The following AHR variants were observed in gnomAD, a reference collection of about 807,000 sequenced individuals.
The protein encoded by AHR is AH-receptor.
In AHR, 40 loss-of-function variants were observed where a neutral mutation model predicts 86.8. The observed-to-expected ratio is 0.46, with a 90% CI of 0.36 to 0.60. The LOEUF (loss-of-function observed/expected upper bound fraction) is 0.60, where lower values mean the gene tolerates loss of function less well. Ranked by LOEUF, AHR falls within the 20% of genes least tolerant of loss-of-function variation. The pLI is 0.00. For missense variants in AHR, 1,001 were observed against 1,011.6 expected, an observed-to-expected ratio of 0.99 and a Z score of 0.14; for synonymous variants, 398 against 354.9, an observed-to-expected ratio of 1.12 and a Z score of -1.37.
At chr7:17,312,443 G>A (rs1306243192) in intron 2 of AHR, among the ~76,000 whole-genome samples, 1 of 152,144 alleles carries the variant, frequency 6.6e-6, no homozygotes, top group Non-Finnish European at 1.5e-5. Flanking sequence ...ATAAATGTGT[G>A]TGAAACACAC....
At chr7:17,338,759 A>G (rs1782383407) in intron 9 of AHR, among the ~76,000 whole-genome samples, 1 of 152,090 alleles carries the variant, frequency 6.6e-6, no homozygotes. Context: ...TAACCTGACC[A>G]TGGAATTAAC....
At chr7:17,342,817 A>C in intron 10 of AHR, 104 bp from the exon 11 acceptor site, 1 of 1,136,742 alleles carries the variant, frequency 8.8e-7, no homozygotes, top group Non-Finnish European at 1.3e-6. Flanking sequence ...GAAGTTTACA[A>C]CTCTCAGGGG....
At chr7:17,321,123 G>C (rs1045189692) in intron 2 of AHR, among the ~76,000 whole-genome samples, 1 of 152,080 alleles carries the variant, frequency 6.6e-6, no homozygotes, top group African/African-American at 2.4e-5. Flanking sequence ...TAAGAGGACT[G>C]CCAGAGTCAG....
In AHR at chr7:17,299,220, G is replaced by A; in HGVS notation, c.-45G>A. The A allele has an allele frequency of 1.9e-6, 3 of 1,598,472 alleles. No individual in the cohort carries two copies. Among genetic ancestry groups the A allele is most frequent in the East Asian group, 2.3e-5 (1 of 43,494 alleles). On this transcript the variant is annotated 5_prime_UTR_variant, in exon 1 of 11. Coordinates refer to ENST00000242057, the MANE Select transcript of AHR (RefSeq NM_001621.5). ...AGCCTACACCGGGTTCCGGGGACCC[G>A]GCCGCCAGTGCCCGGGGAGTAGCCG...
chr7:17,303,831 A>G (rs1466100656), intron 1 of AHR, among the ~76,000 whole-genome samples: 1 of 152,154 alleles, frequency 6.6e-6, no homozygotes, highest in Non-Finnish European at 1.5e-5. Flanking sequence ...TCCAAGAGAT[A>G]GTATCAAATT....
At chr7:17,317,896 G>C (rs1329508472) in intron 2 of AHR, among the ~76,000 whole-genome samples, 2 of 151,842 alleles carry the variant, frequency 1.3e-5, no homozygotes, top group African/African-American at 2.4e-5. Flanking sequence ...AACTGCTCTT[G>C]TTCCATTAAT....
rs1472378146 is a variant in AHR at position 17,333,915 on chromosome 7, A to G, written c.709A>G (p.Met237Val). The G allele has an allele frequency of 1.9e-6, 3 of 1,612,170 alleles. No individual in the cohort carries two copies. Among genetic ancestry groups the G allele is most frequent in the African/African-American group, 2.7e-5 (2 of 74,872 alleles). The change falls in exon 7 of 11, where the codon ATG (methionine) becomes GTG (valine). Residue 237 changes from methionine (M) to valine (V), a missense_variant. Around this residue, in one of 2 missense-constraint regions of AHR, gnomAD observed 394 missense variants for 468.5 expected, o/e 0.84. Coordinates refer to ENST00000242057, the MANE Select transcript of AHR (RefSeq NM_001621.5). Reference protein sequence around the residue: ...LLDNSSGFLAMNFQGKLKYLH... With the variant: ...LLDNSSGFLAVNFQGKLKYLH... Reference sequence around the variant, plus strand: ...TTGTTGTTGTTGCTTTTTTAAGGCAATGAATTTCCAAGGGAAGTTAAAGTA... The same window carrying G: ...TTGTTGTTGTTGCTTTTTTAAGGCAGTGAATTTCCAAGGGAAGTTAAAGTA...
At chr7:17,315,401 A>C (rs1478545174) in intron 2 of AHR, among the ~76,000 whole-genome samples, 1 of 152,088 alleles carries the variant, frequency 6.6e-6, no homozygotes, top group Non-Finnish European at 1.5e-5. Context: ...AGATTCAAAC[A>C]ATCTAAACTC....
chr7:17,298,995 C>T lies in AHR; in HGVS notation c.-270C>T, dbSNP rs888729842. ...CCTCCGCCGGTGTAGACGGCACCTG[C>T]GCCGCCTTGCTCGCGGGTCTCCGCC... On this transcript the variant is annotated 5_prime_UTR_variant, in exon 1 of 11. Transcript: ENST00000242057. The T allele has an allele frequency of 8.6e-6, 4 of 463,660 alleles. No homozygotes were observed. The highest frequency in any genetic ancestry group is 1.5e-5 in the Non-Finnish European group (4 of 267,686). The allele number at this position is 463,660 out of a possible 1,614,324, so 28.7% of individuals were successfully genotyped here. A position where few individuals can be genotyped will look rare whatever the true frequency, so the allele number is the denominator to read the frequency against.
chr7:17,318,705 A>T (rs544517112), intron 2 of AHR, among the ~76,000 whole-genome samples: 2 of 152,238 alleles, frequency 1.3e-5, no homozygotes, highest in South Asian at 4.1e-4. Context: ...CCAGTGGTGT[A>T]ATATTTAAAG....
intron 3 of AHR, 35 bp from the exon 4 acceptor site, chr7:17,327,724 C>T (rs748769501): frequency 2.5e-6 from 3 of 1,201,870 alleles, no homozygotes; most frequent in Non-Finnish European, 3.6e-6. Flanking sequence ...AATATTAAGT[C>T]ATATTACTAA....
chr7:17,334,854 C>A, intron 7 of AHR, 33 bp from the exon 8 acceptor site: 1 of 1,426,368 alleles, frequency 7.0e-7, no homozygotes, highest in Non-Finnish European at 9.8e-7. Flanking sequence ...AATCTTAATC[C>A]ATTCTTATTT....
chr7:17,345,325 A>G lies in AHR; in HGVS notation c.*2261A>G, dbSNP rs916164704. On this transcript the variant is annotated 3_prime_UTR_variant, in exon 11 of 11. Transcript: ENST00000242057. ...AGACTCCGTCTCCAAAAAAAAAAAA[A>G]ATACAATTTTTATTTCTTTTACTTT... The G allele has an allele frequency of 6.6e-6, 1 of 152,538 alleles. No individual in the cohort carries two copies. Among genetic ancestry groups the G allele is most frequent in the East Asian group, 1.9e-4 (1 of 5,200 alleles). 9.4% of individuals were successfully genotyped at this position (152,538 alleles called of 1,614,324 possible).
chr7:17,308,136 T>A (rs1157624973), intron 1 of AHR, among the ~76,000 whole-genome samples: 2 of 152,190 alleles, frequency 1.3e-5, no homozygotes, highest in Non-Finnish European at 2.9e-5. Flanking sequence ...TATATTTTGT[T>A]TACCTGTAAG....
At position 17,323,970 on chromosome 7, in the gene AHR, T is replaced by C. The variant is rs755158210; in HGVS notation, c.360+1363T>C. On this transcript the variant is annotated intron_variant, in intron 3 of 10. Transcript: ENST00000242057. Reference sequence around the variant, plus strand: ...GTATTTCAGGTGAAATAGACAGATATGTACTGATTGACGTAACACTTGGCA... The same window carrying C: ...GTATTTCAGGTGAAATAGACAGATACGTACTGATTGACGTAACACTTGGCA... Among the ~76,000 whole-genome samples, 13 of 152,308 alleles carry C rather than the reference T, an allele frequency of 8.5e-5. No homozygotes were observed. The South Asian group carries it at 1.2e-3, about 15-fold the overall frequency.
chr7:17,306,601 T>TA (rs1320240346), intron 1 of AHR, among the ~76,000 whole-genome samples: 1 of 152,146 alleles, frequency 6.6e-6, no homozygotes, highest in Non-Finnish European at 1.5e-5. Flanking sequence ...GCCCTATACC[T>TA]AAATGTTGGT....
chr7:17,339,441 T>G lies in AHR; in HGVS notation c.1616T>G (p.Leu539Trp). 6.2e-7 allele frequency: 1 copy of G among 1,614,180 alleles called. No homozygotes were observed. The highest frequency in any genetic ancestry group is 1.1e-5 in the South Asian group (1 of 91,084). The change falls in exon 10 of 11, where the codon TTG (leucine) becomes TGG (tryptophan). Residue 539 changes from leucine (L) to tryptophan (W), a missense_variant. This residue lies in a region of AHR where 607 missense variants were observed against 543.1 expected (regional missense o/e 1.12). Transcript: ENST00000242057. Reference protein sequence around the residue: ...GLFQDSKNSDLYSIMKNLGID... With the variant: ...GLFQDSKNSDWYSIMKNLGID... Reference sequence around the variant, plus strand: ...TTTCAAGATAGTAAAAACAGTGACTTGTACAGCATAATGAAAAACCTAGGC... The same window carrying G: ...TTTCAAGATAGTAAAAACAGTGACTGGTACAGCATAATGAAAAACCTAGGC...
chr7:17,321,569 T>C (rs1782172665), intron 2 of AHR, among the ~76,000 whole-genome samples: 1 of 146,134 alleles, frequency 6.8e-6, no homozygotes, highest in Admixed American at 6.9e-5. Flanking sequence ...CCTCCCAGAC[T>C]ATAAATACAT....
At position 17,325,216 on chromosome 7, in the gene AHR, A is replaced by G. The variant is rs117725343; in HGVS notation, c.361-2543A>G. On this transcript the variant is annotated intron_variant, in intron 3 of 10. Transcript: ENST00000242057. ...CTCCTGGTACTTGAGATCATTTGAG[A>G]TATATAAAAATTGATGTGCATCTAT... Among the ~76,000 whole-genome samples the G allele has an allele frequency of 3.5e-3, 538 of 152,320 alleles. 2 individuals carry two copies. Among genetic ancestry groups the G allele is most frequent in the Admixed American group, 4.6e-3 (70 of 15,294 alleles).
Sources: allele counts gnomAD v4.1 joint callset (sites outside exome capture counted in the v4.1 genomes callset), GRCh38; gene constraint gnomAD v4.1.1; regional missense constraint gnomAD v4.1.1; transcripts MANE v1.5; gene names NCBI Gene and HGNC (gene_info 2026-07-23, HGNC 2026-07-21).